The following RAD9A variants were observed in gnomAD, a reference collection of about 807,000 sequenced individuals.
The protein encoded by RAD9A is RAD9 checkpoint clamp component A.
A neutral mutation model predicts 41.2 loss-of-function variants in RAD9A; 25 were observed. The observed-to-expected ratio is 0.61, with a 90% CI of 0.44 to 0.85. RAD9A has a LOEUF of 0.85. Ranked by LOEUF, RAD9A falls within the 40% of genes least tolerant of loss-of-function variation. The pLI, the probability that RAD9A is intolerant of heterozygous loss-of-function variation, is 0.00. For missense variants in RAD9A, 514 were observed against 518.3 expected (o/e 0.99, Z 0.08); for synonymous variants, 252 against 210.6 (o/e 1.20, Z -1.70).
At position 67,392,202 on chromosome 11, in the gene RAD9A, G is replaced by A; in HGVS notation, c.76G>A (p.Glu26Lys). The A allele has an allele frequency of 6.4e-7, 1 of 1,564,454 alleles. No homozygotes were observed. ...AVHSLSRIGDELYLEPLEDGL... is the reference protein window; with the variant it reads ...AVHSLSRIGDKLYLEPLEDGL... ...CCACTCCCTGTCCCGCATCGGGGAC[G>A]AGCTCTACCTGGAACCCTTGGAGGA... is the stretch of plus-strand genomic sequence containing the variant. The change falls in exon 2 of 11, where the codon GAG (glutamate) becomes AAG (lysine). Residue 26 changes from glutamate to lysine, a missense_variant. By Grantham distance (56) the Glu-to-Lys change is moderately conservative. Coordinates refer to ENST00000307980, the MANE Select transcript of RAD9A (RefSeq NM_004584.3).
At chr11:67,393,904 A>G (rs1862608339) in intron 5 of RAD9A, 114 bp downstream of exon 5, 9 of 901,960 alleles carry the variant, frequency 1.0e-5, no homozygotes, top group Non-Finnish European at 6.5e-6. Context: ...AGTTTCTGTG[A>G]ACCTCAAAGA....
rs373879829 is a variant in RAD9A at position 67,391,996 on chromosome 11, G to A, written c.-49G>A. 4.9e-5 allele frequency: 75 copies of A among 1,534,016 alleles called. No individual in the cohort carries two copies. The African/African-American group carries it at 9.0e-4, about 18-fold the overall frequency. ...GCGGGAAGGGACCCCGGACCCGGAG[G>A]TCGCGGAGAGCTGGGCAGTGTTGGC... On this transcript the variant is annotated 5_prime_UTR_variant, in exon 1 of 11. Transcript: ENST00000307980.
At chr11:67,392,596 G>A (rs549152527) in intron 2 of RAD9A, 58 bp from the exon 3 acceptor site, 93 of 1,603,300 alleles carry the variant, frequency 5.8e-5, no homozygotes, top group Non-Finnish European at 7.8e-5. Context: ...AGCAGCCAGA[G>A]GGCTGGGTCT....
Position 67,392,783 on chromosome 11 carries a change from G to A in RAD9A, c.234+1G>A, listed in dbSNP as rs1449116184. ...GCTGCGCTGTAAGATCCTGATGAAG[G>A]TGAGGCCCTTCCCTCAGCAGTGGCA... is the stretch of plus-strand genomic sequence containing the variant. On this transcript the variant is annotated splice_donor_variant, in intron 3 of 10. Coordinates refer to ENST00000307980, the MANE Select transcript of RAD9A (RefSeq NM_004584.3). LOFTEE classifies it high-confidence loss of function. The A allele has an allele frequency of 1.2e-6, 2 of 1,613,794 alleles. No individual in the cohort carries two copies. The highest frequency in any genetic ancestry group is 2.7e-5 in the African/African-American group (2 of 74,902).
chr11:67,396,305 C>T lies in RAD9A; in HGVS notation c.777C>T (p.His259=), dbSNP rs773835953. 1.9e-6 allele frequency: 3 copies of T among 1,614,074 alleles called. No individual in the cohort carries two copies. The highest frequency in any genetic ancestry group is 2.2e-5 in the East Asian group (1 of 44,878). The change falls in exon 9 of 11, where the codon CAC becomes CAT. Residue 259 remains histidine, a synonymous_variant. Transcript: ENST00000307980. The part of the protein sequence containing the change: ...FTIKDSLLDG[H]FVLATLSDTD... ...TCAAGGACTCTTTGCTGGACGGCCA[C>T]TTTGTCTTGGCCACACTCTCAGACA...
chr11:67,392,517 T>C (rs1384835810), intron 2 of RAD9A, 137 bp from the exon 3 acceptor site: 32 of 1,301,386 alleles, frequency 2.5e-5, no homozygotes, highest in Non-Finnish European at 3.3e-5. Context: ...AAGGCTTCCA[T>C]GGGGAAAGGA....
At chr11:67,392,371 A>C in intron 2 of RAD9A, 140 bp downstream of exon 2, 1 of 905,220 alleles carries the variant, frequency 1.1e-6, no homozygotes, top group Admixed American at 2.8e-5. Flanking sequence ...GGCGGCTGTC[A>C]TCTTCCCAGG....
In RAD9A at chr11:67,392,628, C is replaced by T. The variant is rs1281493654; in HGVS notation, c.106-26C>T. 3.1e-6 allele frequency: 5 copies of T among 1,612,410 alleles called. No homozygotes were observed. In the African/African-American group the frequency reaches 5.3e-5, roughly 17 times the overall value. Reference sequence around the variant, plus strand: ...GTCTGTGGCTGCCCCCTGACCACGTCCCTCTCCCTGCTCTTCGTGGCCCAG... The same window carrying T: ...GTCTGTGGCTGCCCCCTGACCACGTTCCTCTCCCTGCTCTTCGTGGCCCAG... On this transcript the variant is annotated intron_variant, in intron 2 of 10. Coordinates refer to ENST00000307980, the MANE Select transcript of RAD9A (RefSeq NM_004584.3).
At position 67,392,016 on chromosome 11, in the gene RAD9A, G is replaced by T; in HGVS notation, c.-29G>T. 40 of 1,550,446 alleles carry T rather than the reference G, an allele frequency of 2.6e-5. No homozygotes were observed. The highest frequency in any genetic ancestry group is 3.4e-5 in the Non-Finnish European group (39 of 1,150,200). On this transcript the variant is annotated 5_prime_UTR_variant, in exon 1 of 11. Coordinates refer to ENST00000307980, the MANE Select transcript of RAD9A (RefSeq NM_004584.3). Reference sequence around the variant, plus strand: ...CGGAGGTCGCGGAGAGCTGGGCAGTGTTGGCCGCTGGCGGAGCGCTGGGGC... The same window carrying T: ...CGGAGGTCGCGGAGAGCTGGGCAGTTTTGGCCGCTGGCGGAGCGCTGGGGC...
rs775354819 is a variant in RAD9A at position 67,392,007 on chromosome 11, C to G, written c.-38C>G. 3 of 1,544,342 alleles carry G rather than the reference C, an allele frequency of 1.9e-6. No individual in the cohort carries two copies. In the South Asian group the frequency reaches 3.6e-5, roughly 18 times the overall value. On this transcript the variant is annotated 5_prime_UTR_variant, in exon 1 of 11. Transcript: ENST00000307980. ...CCCCGGACCCGGAGGTCGCGGAGAG[C>G]TGGGCAGTGTTGGCCGCTGGCGGAG...
rs938239631 is a variant in RAD9A at position 67,397,584 on chromosome 11, A to G, written c.*25A>G. 3 of 1,557,608 alleles carry G rather than the reference A, an allele frequency of 1.9e-6. No individual in the cohort carries two copies. Among genetic ancestry groups the G allele is most frequent in the Non-Finnish European group, 1.8e-6 (2 of 1,133,584 alleles). On this transcript the variant is annotated 3_prime_UTR_variant, in exon 11 of 11. Coordinates refer to ENST00000307980, the MANE Select transcript of RAD9A (RefSeq NM_004584.3). ...AACCAAGAACCTGAAGCCTGTACCCAGAGGCCTTGGACTAGACGAAGCCCC... is the reference window on the plus strand; with the variant it reads ...AACCAAGAACCTGAAGCCTGTACCCGGAGGCCTTGGACTAGACGAAGCCCC...
chr11:67,396,582 C>T (rs1350815929), intron 9 of RAD9A, among the ~76,000 whole-genome samples, 182 bp downstream of exon 9: 2 of 152,216 alleles, frequency 1.3e-5, no homozygotes, highest in Non-Finnish European at 2.9e-5. Flanking sequence ...TCAGCCTTCT[C>T]GGTTAGCTGT....
At position 67,398,398 on chromosome 11, in the gene RAD9A, G is replaced by A. The variant is rs1019195800; in HGVS notation, c.*839G>A. ...CGCTGCTATTGATTCATTAAAAAAA[G>A]AAAAGAAAAATACACCAAGGCTCCA... On this transcript the variant is annotated 3_prime_UTR_variant, in exon 11 of 11. Transcript: ENST00000307980. 1.2e-4 allele frequency: 106 copies of A among 884,608 alleles called. No homozygotes were observed. Among genetic ancestry groups the A allele is most frequent in the Non-Finnish European group, 1.7e-4 (99 of 588,696 alleles). The allele number at this position is 884,608 out of a possible 1,614,324, so 54.8% of individuals were successfully genotyped here.
In RAD9A at chr11:67,397,170, T is replaced by C; in HGVS notation, c.873-9T>C. ...AGTCCCCTCCCTGATACTCCGATTC[T>C]GCCTACAGCACACCCCACCCGGACG... is the stretch of plus-strand genomic sequence containing the variant. On this transcript the variant is annotated splice_polypyrimidine_tract_variant and intron_variant, in intron 9 of 10. Transcript: ENST00000307980. 1 of 1,603,838 alleles carries C rather than the reference T, an allele frequency of 6.2e-7. No individual in the cohort carries two copies. The highest frequency in any genetic ancestry group is 1.1e-5 in the South Asian group (1 of 90,838).
In RAD9A at chr11:67,396,117, C is replaced by G. The variant is rs752912276; in HGVS notation, c.676C>G (p.Leu226Val). The change falls in exon 8 of 11, where the codon CTG becomes GTG. Residue 226 changes from leucine to valine, a missense_variant. Around this residue, in one of 3 missense-constraint regions of RAD9A, gnomAD observed 30 missense variants for 54.8 expected, o/e 0.55. Coordinates refer to ENST00000307980, the MANE Select transcript of RAD9A (RefSeq NM_004584.3). ...TFCLKEFRGL[L>V]SFAESANLNL... ...GCTACCTCTTTCCTCCCAGGGGCTC[C>G]TGAGCTTTGCAGAGTCAGCAAACTT... is the stretch of plus-strand genomic sequence containing the variant. 6.2e-7 allele frequency: 1 copy of G among 1,613,980 alleles called. No homozygotes were observed.
At chr11:67,394,930 T>C (rs964590800) in intron 5 of RAD9A, among the ~76,000 whole-genome samples, 1 of 152,088 alleles carries the variant, frequency 6.6e-6, no homozygotes, top group Non-Finnish European at 1.5e-5. Flanking sequence ...TTTTTAAAAA[T>C]GAGCAATTGT....
At chr11:67,396,477 G>T in intron 9 of RAD9A, 77 bp downstream of exon 9, 9 of 1,520,984 alleles carry the variant, frequency 5.9e-6, no homozygotes, top group Non-Finnish European at 8.1e-6. Context: ...CCTAGCTTCT[G>T]CACCTCCCCG....
chr11:67,395,936 C>T lies in RAD9A; in HGVS notation c.584C>T (p.Thr195Ile). Residue 195 changes from threonine (T) to isoleucine (I), a missense_variant, in exon 7 of 11, where the codon ACT becomes ATT. Physicochemically the swap from Thr to Ile is moderately conservative, Grantham distance 89 (BLOSUM62 -1). Transcript: ENST00000307980. Reference protein sequence around the residue: ...EADSTAKAMVTEMCLGEEDFQ... With the variant: ...EADSTAKAMVIEMCLGEEDFQ... ...GACAGCACTGCCAAAGCCATGGTGA[C>T]TGAGATGTGCCTTGGAGAGGAGGAT... 6.2e-7 allele frequency: 1 copy of T among 1,614,206 alleles called. No individual in the cohort carries two copies. Among genetic ancestry groups the T allele is most frequent in the East Asian group, 2.2e-5 (1 of 44,884 alleles).
rs1862677880 is a variant in RAD9A, at chr11:67,395,884, C to T, written c.560-28C>T. 1.9e-6 allele frequency: 3 copies of T among 1,613,174 alleles called. No individual in the cohort carries two copies. In the Admixed American group the frequency reaches 5.0e-5, roughly 27 times the overall value. On this transcript the variant is annotated intron_variant, in intron 6 of 10. Coordinates refer to ENST00000307980, the MANE Select transcript of RAD9A (RefSeq NM_004584.3). ...GTGGCAGGTGGGAGAGGGGCGGGGC[C>T]CAGGTTACTCCTGTTCTTCCCCAAC...
Sources: gnomAD v4.1 joint callset for allele counts (sites outside exome capture counted in the v4.1 genomes callset) on GRCh38, gnomAD v4.1.1 for gene constraint, gnomAD v4.1.1 regional missense constraint, MANE v1.5 for transcripts, NCBI Gene and HGNC (gene_info 2026-07-23, HGNC 2026-07-21) for gene names.